The following ARB2A variants were observed in gnomAD, a reference collection of about 807,000 sequenced individuals.
ARB2A encodes ARB2 cotranscriptional regulator A.
the ARB2A span, among the ~76,000 whole-genome samples, chr5:93,930,945 C>T: frequency 2.6e-5 from 4 of 151,978 alleles, no homozygotes; most frequent in African/African-American, 7.3e-5. Flanking sequence ...GGTTTTAAGC[C>T]CTGCATGCAT....
At chr5:93,626,534 A>G in the ARB2A span, among the ~76,000 whole-genome samples, 2 of 152,224 alleles carry the variant, frequency 1.3e-5, no homozygotes, top group Non-Finnish European at 2.9e-5. Context: ...GACCACCCCA[A>G]TGAAGTGAAT....
chr5:93,727,174 G>GT, the ARB2A span, among the ~76,000 whole-genome samples: 2 of 151,858 alleles, frequency 1.3e-5, no homozygotes, highest in African/African-American at 2.4e-5. Flanking sequence ...TAAGATTATG[G>GT]TTTTTTTGTG....
chr5:93,717,757 G>A, the ARB2A span, among the ~76,000 whole-genome samples: 1 of 151,528 alleles, frequency 6.6e-6, no homozygotes, highest in East Asian at 1.9e-4. Flanking sequence ...GTAGATTAAG[G>A]CAGCATTTAA....
At chr5:93,697,472 A>T in the ARB2A span, among the ~76,000 whole-genome samples, 1 of 152,182 alleles carries the variant, frequency 6.6e-6, no homozygotes, top group Non-Finnish European at 1.5e-5. Context: ...CTCACCTCAT[A>T]TATGACACCA....
chr5:94,109,987 C>T, the ARB2A span, among the ~76,000 whole-genome samples: 1 of 149,090 alleles, frequency 6.7e-6, no homozygotes, highest in East Asian at 2.1e-4. Context: ...CCGGTTCAAG[C>T]AATTCTCCTG....
the ARB2A span, among the ~76,000 whole-genome samples, chr5:93,772,199 C>T: frequency 3.9e-5 from 6 of 152,160 alleles, no homozygotes; most frequent in South Asian, 4.2e-4. Flanking sequence ...AGTAAACTAT[C>T]GCAAGAACAA....
the ARB2A span, among the ~76,000 whole-genome samples, chr5:94,102,197 T>C: frequency 1.3e-5 from 2 of 150,214 alleles, no homozygotes; most frequent in East Asian, 3.9e-4. Context: ...ATTATAGACA[T>C]AGAATTCAGA....
At chr5:94,070,026 G>C in the ARB2A span, among the ~76,000 whole-genome samples, 1 of 152,080 alleles carries the variant, frequency 6.6e-6, no homozygotes, top group Non-Finnish European at 1.5e-5. Context: ...CAGTGATATG[G>C]AATCAACCTA....
chr5:93,943,384 C>G, the ARB2A span, among the ~76,000 whole-genome samples: 1 of 151,964 alleles, frequency 6.6e-6, no homozygotes, highest in Admixed American at 6.6e-5. Context: ...GTCTGTAAGT[C>G]ATTTGAACAA....
At chr5:94,087,317 G>C in the ARB2A span, among the ~76,000 whole-genome samples, 1 of 152,054 alleles carries the variant, frequency 6.6e-6, no homozygotes, top group Non-Finnish European at 1.5e-5. Context: ...TAAGGCAGGA[G>C]GATGGCTTGA....
At chr5:93,940,651 T>C in the ARB2A span, among the ~76,000 whole-genome samples, 3 of 152,194 alleles carry the variant, frequency 2.0e-5, no homozygotes, top group East Asian at 5.8e-4. Context: ...GCAATTCCTA[T>C]GGACGCTATT....
chr5:93,630,014 G>A, the ARB2A span, among the ~76,000 whole-genome samples: 1 of 151,938 alleles, frequency 6.6e-6, no homozygotes, highest in Non-Finnish European at 1.5e-5. Context: ...ATGAACTTAC[G>A]AGCTTACCAG....
the ARB2A span, among the ~76,000 whole-genome samples, chr5:93,756,664 A>C: frequency 7.7e-4 from 117 of 152,258 alleles, 1 homozygote; most frequent in African/African-American, 2.7e-3. Flanking sequence ...CATCCATAAG[A>C]AAAGGGGGAG....
the ARB2A span, among the ~76,000 whole-genome samples, chr5:94,071,539 T>C: frequency 6.6e-6 from 1 of 151,852 alleles, no homozygotes; most frequent in Non-Finnish European, 1.5e-5. Flanking sequence ...CTATCAAAAC[T>C]CAATAGTTTT....
At chr5:93,622,249 C>A in the ARB2A span, among the ~76,000 whole-genome samples, 1 of 152,170 alleles carries the variant, frequency 6.6e-6, no homozygotes, top group Non-Finnish European at 1.5e-5. Flanking sequence ...CAGTTGAAAT[C>A]TCTTCCTAGA....
At chr5:93,938,335 G>T in the ARB2A span, among the ~76,000 whole-genome samples, 12 of 152,044 alleles carry the variant, frequency 7.9e-5, no homozygotes, top group South Asian at 2.1e-4. Context: ...TTCATTTCAA[G>T]ATTAAATTTT....
the ARB2A span, among the ~76,000 whole-genome samples, chr5:93,990,641 A>AT: frequency 5.9e-5 from 9 of 151,500 alleles, no homozygotes; most frequent in African/African-American, 1.9e-4. Flanking sequence ...AAAAAAAAAA[A>AT]AAAAAATTGC....
the ARB2A span, among the ~76,000 whole-genome samples, chr5:93,767,266 C>T: frequency 1.3e-5 from 2 of 152,026 alleles, no homozygotes; most frequent in Admixed American, 6.6e-5. Flanking sequence ...AAATGGCCAA[C>T]AAACATATGA....
chr5:93,900,628 A>G, the ARB2A span, among the ~76,000 whole-genome samples: 1 of 151,886 alleles, frequency 6.6e-6, no homozygotes, highest in East Asian at 1.9e-4. Flanking sequence ...AAAAAAAAAA[A>G]AAAAGGTAAT....
Sources: allele counts gnomAD v4.1 joint callset (sites outside exome capture counted in the v4.1 genomes callset), GRCh38; gene constraint gnomAD v4.1.1; transcripts MANE v1.5; gene names NCBI Gene and HGNC (gene_info 2026-07-23, HGNC 2026-07-21).